The following ASTN2 variants were observed in gnomAD, a reference collection of about 807,000 sequenced individuals.
The protein encoded by ASTN2 is astrotactin-2.
In ASTN2, 54 loss-of-function variants were observed where a neutral mutation model predicts 139.8. The ratio of observed to expected loss-of-function variants is 0.39; its 90% confidence interval spans 0.31 to 0.48. ASTN2 has a LOEUF of 0.48. ASTN2 is among the 20% of genes least tolerant of loss of function. The pLI is 0.95. For missense variants in ASTN2, 1,565 were observed against 1,725.1 expected (o/e 0.91, Z 1.64); for synonymous variants, 756 against 719.5 (o/e 1.05, Z -0.81).
intron 3 of ASTN2, among the ~76,000 whole-genome samples, chr9:117,167,537 A>C (rs1031671345): frequency 2.6e-5 from 4 of 152,264 alleles, no homozygotes; most frequent in South Asian, 2.1e-4. Flanking sequence ...TGGGTGCATG[A>C]ACTCATAAAA....
chr9:117,207,336 C>T (rs144755775), intron 3 of ASTN2, among the ~76,000 whole-genome samples: 2,066 of 152,270 alleles, frequency 0.014, 48 homozygotes, highest in African/African-American at 0.047. Flanking sequence ...GTGGGCCTGA[C>T]AAACAGCCCT....
intron 5 of ASTN2, among the ~76,000 whole-genome samples, chr9:117,041,557 C>T (rs2132651441): frequency 6.6e-6 from 1 of 152,212 alleles, no homozygotes; most frequent in Non-Finnish European, 1.5e-5. Context: ...TTCCCTTCAT[C>T]TCTTCTATTG....
At chr9:116,898,189 T>C (rs1483188835) in intron 10 of ASTN2, among the ~76,000 whole-genome samples, 1 of 152,036 alleles carries the variant, frequency 6.6e-6, no homozygotes, top group Non-Finnish European at 1.5e-5. Flanking sequence ...GAAGGATCGC[T>C]TGAGTGCAGA....
At chr9:117,229,893 A>G in intron 2 of ASTN2, among the ~76,000 whole-genome samples, 1 of 152,156 alleles carries the variant, frequency 6.6e-6, no homozygotes, top group Non-Finnish European at 1.5e-5. Flanking sequence ...CTATACTCCC[A>G]GCATGTTGCG....
intron 3 of ASTN2, among the ~76,000 whole-genome samples, chr9:117,160,618 A>C (rs1326962130): frequency 3.9e-5 from 6 of 152,008 alleles, no homozygotes; most frequent in Non-Finnish European, 8.8e-5. Context: ...GAGTTTCCAA[A>C]TGTATGCTAA....
chr9:116,519,346 C>CA (rs56721222), intron 19 of ASTN2, among the ~76,000 whole-genome samples: 1,982 of 151,144 alleles, frequency 0.013, 37 homozygotes, highest in African/African-American at 0.046. Context: ...AAATCAACTC[C>CA]AAAAAAAACC....
chr9:117,269,878 T>C (rs1290777835), intron 2 of ASTN2, among the ~76,000 whole-genome samples: 4 of 152,218 alleles, frequency 2.6e-5, no homozygotes, highest in Non-Finnish European at 5.9e-5. Context: ...GGTTTCACTT[T>C]TGGGGCACAT....
intron 13 of ASTN2, among the ~76,000 whole-genome samples, chr9:116,747,693 GCACA>G (rs56265727): frequency 0.25 from 37,587 of 148,834 alleles, 5,055 homozygotes; most frequent in Non-Finnish European, 0.31. Flanking sequence ...GTGTGCATGA[GCACA>G]CACACACACA....
At chr9:117,303,785 T>C (rs1453628180) in intron 1 of ASTN2, among the ~76,000 whole-genome samples, 1 of 152,232 alleles carries the variant, frequency 6.6e-6, no homozygotes, top group African/African-American at 2.4e-5. Context: ...CAGATATCCC[T>C]GTCAAGAGGT....
intron 11 of ASTN2, among the ~76,000 whole-genome samples, chr9:116,840,720 C>G (rs960491393): frequency 2.2e-5 from 3 of 136,810 alleles, no homozygotes; most frequent in African/African-American, 8.2e-5. Context: ...CGGGCAGAGA[C>G]GCTCCTCACA....
At chr9:116,680,271 T>C (rs559200805) in intron 16 of ASTN2, among the ~76,000 whole-genome samples, 14 of 152,276 alleles carry the variant, frequency 9.2e-5, no homozygotes, top group Middle Eastern at 3.4e-3. Context: ...CTAGAAAATC[T>C]AGAAGAAATG....
chr9:116,910,762 C>G (rs1033662627), intron 10 of ASTN2, among the ~76,000 whole-genome samples: 4 of 152,154 alleles, frequency 2.6e-5, no homozygotes, highest in Admixed American at 6.5e-5. Flanking sequence ...CTTATATTTT[C>G]TCAGTGCAAT....
intron 17 of ASTN2, among the ~76,000 whole-genome samples, chr9:116,622,676 A>T (rs1424121283): frequency 6.6e-6 from 1 of 152,246 alleles, no homozygotes; most frequent in Non-Finnish European, 1.5e-5. Context: ...GATTAATCCC[A>T]AGTAGGGTTG....
At chr9:117,003,937 T>G (rs1837269595) in intron 7 of ASTN2, among the ~76,000 whole-genome samples, 1 of 141,006 alleles carries the variant, frequency 7.1e-6, no homozygotes, top group Non-Finnish European at 1.5e-5. Context: ...TTGTGTTTCT[T>G]TCACGCGCGC....
chr9:117,075,139 C>T (rs753570118), intron 5 of ASTN2, among the ~76,000 whole-genome samples: 7 of 152,172 alleles, frequency 4.6e-5, no homozygotes, highest in African/African-American at 7.2e-5. Flanking sequence ...CATCCTTGGG[C>T]GATCCCTGCC....
intron 19 of ASTN2, among the ~76,000 whole-genome samples, chr9:116,518,029 G>A (rs1006620245): frequency 6.6e-5 from 10 of 152,178 alleles, no homozygotes; most frequent in African/African-American, 2.4e-4. Context: ...CCAAACTTAA[G>A]AATAATTGGT....
intron 16 of ASTN2, among the ~76,000 whole-genome samples, chr9:116,677,029 A>G (rs764889035): frequency 1.3e-5 from 2 of 152,258 alleles, no homozygotes; most frequent in Non-Finnish European, 2.9e-5. Context: ...CCAGGTAATA[A>G]GAGATTTGAA....
At chr9:117,172,233 G>A (rs1830811121) in intron 3 of ASTN2, among the ~76,000 whole-genome samples, 1 of 152,154 alleles carries the variant, frequency 6.6e-6, no homozygotes, top group Non-Finnish European at 1.5e-5. Context: ...ATTCTATGTT[G>A]TGTGATACAG....
In ASTN2 at chr9:116,620,339, G is replaced by T. The variant is rs1264744455; in HGVS notation, c.3177C>A (p.Leu1059=). 1 of 1,614,142 alleles carries T rather than the reference G, an allele frequency of 6.2e-7. No individual in the cohort carries two copies. Residue 1059 remains leucine, a synonymous_variant, in exon 18 of 23, where the codon CTC becomes CTA. Transcript: ENST00000313400. ...GCTGCAGAAGGGGGCTGCAGTTGGG[G>T]AGCCCATTGGCATCAAAGGCGCTGA... ...CDLSAFDANG[L]PNCSPLLQPV... is the part of the protein sequence containing the mutation.
Sources: gnomAD v4.1 joint callset for allele counts (sites outside exome capture counted in the v4.1 genomes callset) on GRCh38, gnomAD v4.1.1 for gene constraint, MANE v1.5 for transcripts, NCBI Gene and HGNC (gene_info 2026-07-23, HGNC 2026-07-21) for gene names.